Variants in PPP1R2B observed in about 807,000 individuals in gnomAD.
The protein encoded by PPP1R2B is protein phosphatase inhibitor 2 family member B.
PPP1R2B carries 13 observed loss-of-function variants against 17.6 expected under a neutral mutation model. The ratio of observed to expected loss-of-function variants is 0.74; its 90% CI spans 0.48 to 1.17. The LOEUF (loss-of-function observed/expected upper bound fraction) is 1.17. Among genes scored for constraint, PPP1R2B ranks in the 50% most tolerant of loss-of-function variants. The pLI is 0.00. For missense variants in PPP1R2B, 230 were observed against 252.4 expected, an observed-to-expected ratio of 0.91 and a Z score of 0.60; for synonymous variants, 105 against 95.4, an observed-to-expected ratio of 1.10 and a Z score of -0.59.
In PPP1R2B at chr5:156,850,933, A is replaced by T. The variant is rs768799712; in HGVS notation, c.371A>T (p.Glu124Val). 6.2e-7 allele frequency: 1 copy of T among 1,611,322 alleles called. No homozygotes were observed. Among genetic ancestry groups the T allele is most frequent in the South Asian group, 1.1e-5 (1 of 90,942 alleles). Residue 124 changes from glutamate (E) to valine (V), a missense_variant, in exon 1 of 1, where the codon GAG (glutamate) becomes GTG (valine). Coordinates refer to ENST00000522232, the MANE Select transcript of PPP1R2B (RefSeq NM_206858.3). Reference sequence around the variant, plus strand: ...ATTCAGGAACAAGAAAGCAGTGGAGAGGAGGATAGTGACCTCTCACCTGAA... The same window carrying T: ...ATTCAGGAACAAGAAAGCAGTGGAGTGGAGGATAGTGACCTCTCACCTGAA... ...YRIQEQESSG[E>V]EDSDLSPEER...
At position 156,852,281 on chromosome 5, in the gene PPP1R2B, A is replaced by G. The variant is rs2113285097; in HGVS notation, c.*1101A>G. 1 of 152,204 alleles carries G rather than the reference A, an allele frequency of 6.6e-6. No homozygotes were observed. Among genetic ancestry groups the G allele is most frequent in the Admixed American group, 6.5e-5 (1 of 15,298 alleles). The allele number at this position is 152,204 out of a possible 1,614,324, so 9.4% of individuals were successfully genotyped here. A position where few individuals can be genotyped will look rare whatever the true frequency, so the allele number is the denominator to read the frequency against. ...TTAGTTTGGCTTAATTAGACTTAAG[A>G]AAACAACCGAGGGTTTTTTTTTGTT... On this transcript the variant is annotated 3_prime_UTR_variant, in exon 1 of 1. Transcript: ENST00000522232.
rs537561046 is a variant in PPP1R2B, at chr5:156,851,377, A to G, written c.*197A>G. The G allele has an allele frequency of 9.8e-6, 6 of 614,882 alleles. No individual in the cohort carries two copies. In the East Asian group the frequency reaches 1.6e-4, roughly 17 times the overall value. The allele number at this position is 614,882 out of a possible 1,614,324, so 38.1% of individuals were successfully genotyped here. On this transcript the variant is annotated 3_prime_UTR_variant, in exon 1 of 1. Coordinates refer to ENST00000522232, the MANE Select transcript of PPP1R2B (RefSeq NM_206858.3). ...AATTGATATATATATTCTTATGCCTAGTACTTTACCACAAATACAGTGTAA... is the reference window on the plus strand; with the variant it reads ...AATTGATATATATATTCTTATGCCTGGTACTTTACCACAAATACAGTGTAA...
Position 156,851,050 on chromosome 5 carries a change from A to C in PPP1R2B, c.488A>C (p.Lys163Thr). 4 of 1,609,680 alleles carry C rather than the reference A, an allele frequency of 2.5e-6. No homozygotes were observed. The change falls in exon 1 of 1, where the codon AAA becomes ACA. Residue 163 changes from lysine to threonine, a missense_variant. Lys to Thr is a moderately conservative substitution (Grantham distance 78, BLOSUM62 -1). Transcript: ENST00000522232. ...AAACTAGCCAGACAATTAATTTCAA[A>C]AGACCTACATGATGATGATGAAGAT... ...NIKLARQLIS[K>T]DLHDDDEDEE...
rs1370402213 is a variant in PPP1R2B at position 156,850,973 on chromosome 5, G to C, written c.411G>C (p.Lys137Asn). The change falls in exon 1 of 1, where the codon AAG becomes AAC. Residue 137 changes from lysine (K) to asparagine (N), a missense_variant. Coordinates refer to ENST00000522232, the MANE Select transcript of PPP1R2B (RefSeq NM_206858.3). Reference protein sequence around the residue: ...SDLSPEEREKKRQFEMRRKLH... With the variant: ...SDLSPEEREKNRQFEMRRKLH... ...TCTCACCTGAAGAACGAGAAAAAAA[G>C]CGACAATTTGAAATGAGAAGGAAGC... 1 of 1,613,542 alleles carries C rather than the reference G, an allele frequency of 6.2e-7. No homozygotes were observed. Among genetic ancestry groups the C allele is most frequent in the African/African-American group, 1.3e-5 (1 of 74,902 alleles).
At position 156,851,065 on chromosome 5, in the gene PPP1R2B, A is replaced by G. The variant is rs1233246574; in HGVS notation, c.503A>G (p.Asp168Gly). 1 of 1,604,280 alleles carries G rather than the reference A, an allele frequency of 6.2e-7. No homozygotes were observed. Among genetic ancestry groups the G allele is most frequent in the African/African-American group, 1.3e-5 (1 of 74,694 alleles). ...TTAATTTCAAAAGACCTACATGATG[A>G]TGATGAAGATGAAGAAATGTTAGAG... Reference protein sequence around the residue: ...RQLISKDLHDDDEDEEMLETA... With the variant: ...RQLISKDLHDGDEDEEMLETA... The change falls in exon 1 of 1, where the codon GAT becomes GGT. Residue 168 changes from aspartate to glycine, a missense_variant. Transcript: ENST00000522232.
chr5:156,850,723 C>T lies in PPP1R2B; in HGVS notation c.161C>T (p.Ala54Val), dbSNP rs2113282977. 1 of 1,542,352 alleles carries T rather than the reference C, an allele frequency of 6.5e-7. No individual in the cohort carries two copies. Among genetic ancestry groups the T allele is most frequent in the Non-Finnish European group, 9.0e-7 (1 of 1,114,696 alleles). Residue 54 changes from alanine to valine, a missense_variant, in exon 1 of 1, where the codon GCG becomes GTG. Coordinates refer to ENST00000522232, the MANE Select transcript of PPP1R2B (RefSeq NM_206858.3). ...SQKWDEINIL[A>V]TYHPADKGYG... ...AAGTGGGATGAAATTAACATCTTGG[C>T]GACCTATCATCCAGCAGACAAAGGC...
rs765774288 is a variant in PPP1R2B, at chr5:156,850,664, G to T, written c.102G>T (p.Arg34Ser). The change falls in exon 1 of 1, where the codon AGG becomes AGT. Residue 34 changes from arginine to serine, a missense_variant. Arg to Ser is a moderately radical substitution (Grantham distance 110). Coordinates refer to ENST00000522232, the MANE Select transcript of PPP1R2B (RefSeq NM_206858.3). ...SMVASAEQPRRSVDEELSKKS... is the reference protein window; with the variant it reads ...SMVASAEQPRSSVDEELSKKS... ...TGGCGTCGGCCGAACAGCCCCGCAG[G>T]AGTGTCGACGAGGAGCTGAGCAAAA... is the stretch of plus-strand genomic sequence containing the variant. 1.9e-6 allele frequency: 3 copies of T among 1,589,522 alleles called. No individual in the cohort carries two copies. The South Asian group carries it at 3.3e-5, about 18-fold the overall frequency.
chr5:156,851,397 G>A lies in PPP1R2B; in HGVS notation c.*217G>A. The A allele has an allele frequency of 1.7e-6, 1 of 603,304 alleles. No individual in the cohort carries two copies. Among genetic ancestry groups the A allele is most frequent in the Non-Finnish European group, 2.9e-6 (1 of 342,540 alleles). 37.4% of individuals were successfully genotyped at this position (603,304 alleles called of 1,614,324 possible). On this transcript the variant is annotated 3_prime_UTR_variant, in exon 1 of 1. Coordinates refer to ENST00000522232, the MANE Select transcript of PPP1R2B (RefSeq NM_206858.3). ...TGCCTAGTACTTTACCACAAATACA[G>A]TGTAATATCATCAGTCCAAAACTGC...
chr5:156,851,509 G>C lies in PPP1R2B; in HGVS notation c.*329G>C, dbSNP rs752045691. ...GAAGTTAAGCAATATCTTTGGGGGGGAACTAATTTATTTTCATCACTCGAA... is the reference window on the plus strand; with the variant it reads ...GAAGTTAAGCAATATCTTTGGGGGGCAACTAATTTATTTTCATCACTCGAA... On this transcript the variant is annotated 3_prime_UTR_variant, in exon 1 of 1. Transcript: ENST00000522232. 6.6e-5 allele frequency: 22 copies of C among 332,554 alleles called. No homozygotes were observed. Among genetic ancestry groups the C allele is most frequent in the Non-Finnish European group, 9.2e-5 (17 of 184,420 alleles). The allele number at this position is 332,554 out of a possible 1,614,324, so 20.6% of individuals were successfully genotyped here.
chr5:156,852,103 G>A lies in PPP1R2B; in HGVS notation c.*923G>A, dbSNP rs111563836. The A allele has an allele frequency of 6.6e-6, 1 of 151,876 alleles. No individual in the cohort carries two copies. Among genetic ancestry groups the A allele is most frequent in the Non-Finnish European group, 1.5e-5 (1 of 67,922 alleles). 9.4% of individuals were successfully genotyped at this position (151,876 alleles called of 1,614,324 possible). Reference sequence around the variant, plus strand: ...ACTCTTCTGTCATTTGCTGCTGTGTGGAAATTCTTATTTTGACCATCAATG... The same window carrying A: ...ACTCTTCTGTCATTTGCTGCTGTGTAGAAATTCTTATTTTGACCATCAATG... On this transcript the variant is annotated 3_prime_UTR_variant, in exon 1 of 1. Transcript: ENST00000522232.
rs1441588518 is a variant in PPP1R2B at position 156,851,379 on chromosome 5, T to C, written c.*199T>C. The stretch of plus-strand genomic sequence containing the variant: ...TTGATATATATATTCTTATGCCTAG[T>C]ACTTTACCACAAATACAGTGTAATA... On this transcript the variant is annotated 3_prime_UTR_variant, in exon 1 of 1. Transcript: ENST00000522232. The C allele has an allele frequency of 4.9e-6, 3 of 613,910 alleles. No homozygotes were observed. Among genetic ancestry groups the C allele is most frequent in the African/African-American group, 1.8e-5 (1 of 54,060 alleles). The allele number at this position is 613,910 out of a possible 1,614,324, so 38.0% of individuals were successfully genotyped here.
Position 156,851,296 on chromosome 5 carries a change from A to G in PPP1R2B, c.*116A>G. On this transcript the variant is annotated 3_prime_UTR_variant, in exon 1 of 1. Transcript: ENST00000522232. ...AGTACCAAAATGCATACCAGTTATTATATATTGCCAAGAATTAAATGATAA... is the reference window on the plus strand; with the variant it reads ...AGTACCAAAATGCATACCAGTTATTGTATATTGCCAAGAATTAAATGATAA... 1 of 783,068 alleles carries G rather than the reference A, an allele frequency of 1.3e-6. No homozygotes were observed. Among genetic ancestry groups the G allele is most frequent in the South Asian group, 1.6e-5 (1 of 63,568 alleles). 48.5% of individuals were successfully genotyped at this position (783,068 alleles called of 1,614,324 possible).
Sources: gnomAD v4.1 joint callset for allele counts on GRCh38, gnomAD v4.1.1 for gene constraint, MANE v1.5 for transcripts, NCBI Gene and HGNC (gene_info 2026-07-23, HGNC 2026-07-21) for gene names.